ANXA4: variants seen among roughly 807,000 people sequenced by gnomAD.
ANXA4 encodes annexin A4.
Under a neutral mutation model 49.8 loss-of-function variants are expected in ANXA4, and 39 were observed. The ratio of observed to expected loss-of-function variants is 0.78; its 90% CI spans 0.61 to 1.02. The LOEUF (loss-of-function observed/expected upper bound fraction) is 1.02. Ranked by LOEUF, ANXA4 falls within the 50% of genes least tolerant of loss-of-function variation. The pLI is 0.00. For synonymous variants in ANXA4, 134 were observed against 152.5 expected, an observed-to-expected ratio of 0.88 and a Z score of 0.89; for missense variants, 360 against 410.1, an observed-to-expected ratio of 0.88 and a Z score of 1.05.
chr2:69,690,498 C>T (rs2105371478), intron 2 of ANXA4, among the ~76,000 whole-genome samples: 1 of 152,296 alleles, frequency 6.6e-6, no homozygotes, highest in African/African-American at 2.4e-5. Flanking sequence ...CTCAGCCTCC[C>T]AAAGTGCTGG....
Position 69,781,594 on chromosome 2 carries a change from A to G in ANXA4, c.9+20A>G. 6.2e-7 allele frequency: 1 copy of G among 1,613,972 alleles called. No homozygotes were observed. Among genetic ancestry groups the G allele is most frequent in the Non-Finnish European group, 8.5e-7 (1 of 1,179,946 alleles). ...GCCATGGTAAGTTGTGAAATACCTC[A>G]ACCCTATCTGGTGCCAGCTGCCAAC... On this transcript the variant is annotated intron_variant, in intron 2 of 12. Coordinates refer to ENST00000394295, the MANE Select transcript of ANXA4 (RefSeq NM_001153.5).
intron 1 of ANXA4, among the ~76,000 whole-genome samples, chr2:69,750,843 A>G (rs1670810492): frequency 1.3e-5 from 2 of 152,214 alleles, no homozygotes; most frequent in African/African-American, 4.8e-5. Context: ...CCTTTGTCAG[A>G]GAAATGTCTC....
At chr2:69,806,163 G>A (rs1673433807) in intron 4 of ANXA4, among the ~76,000 whole-genome samples, 1 of 152,184 alleles carries the variant, frequency 6.6e-6, no homozygotes, top group Non-Finnish European at 1.5e-5. Flanking sequence ...AGTTGTTGAT[G>A]CACAGACAAT....
intron 2 of ANXA4, among the ~76,000 whole-genome samples, chr2:69,696,819 G>T (rs1223922612): frequency 6.6e-6 from 1 of 152,138 alleles, no homozygotes; most frequent in East Asian, 1.9e-4. Flanking sequence ...ATATTAAAAA[G>T]GAATCTTTTT....
At chr2:69,824,881 G>A (rs1381511343) in intron 12 of ANXA4, among the ~76,000 whole-genome samples, 2 of 151,912 alleles carry the variant, frequency 1.3e-5, no homozygotes, top group South Asian at 4.1e-4. Context: ...GGCTAACATG[G>A]TGAAACCCCA....
chr2:69,689,178 A>G (rs2105369616), intron 2 of ANXA4, among the ~76,000 whole-genome samples: 1 of 152,092 alleles, frequency 6.6e-6, no homozygotes, highest in South Asian at 2.1e-4. Flanking sequence ...CGCAGCCTTG[A>G]ACTGGGTTCA....
intron 2 of ANXA4, among the ~76,000 whole-genome samples, chr2:69,660,024 A>C (rs75069940): frequency 0.016 from 2,411 of 152,296 alleles, 72 homozygotes; most frequent in African/African-American, 0.055. Context: ...ACACATAGCA[A>C]AAAATCTACT....
intron 2 of ANXA4, among the ~76,000 whole-genome samples, chr2:69,654,495 G>A (rs1676365200): frequency 6.6e-6 from 1 of 152,150 alleles, no homozygotes; most frequent in South Asian, 2.1e-4. Flanking sequence ...TTAGCATGAA[G>A]GGGTGTTGAA....
At chr2:69,780,587 G>A (rs1672154927) in intron 1 of ANXA4, among the ~76,000 whole-genome samples, 1 of 152,096 alleles carries the variant, frequency 6.6e-6, no homozygotes, top group Admixed American at 6.5e-5. Context: ...TAAACTCTGA[G>A]AAGAGGAGCC....
At chr2:69,710,815 G>T (rs1478586767) in intron 2 of ANXA4, among the ~76,000 whole-genome samples, 1 of 152,174 alleles carries the variant, frequency 6.6e-6, no homozygotes, top group African/African-American at 2.4e-5. Context: ...TGTTAGCAAT[G>T]ATATGGAGCA....
At chr2:69,812,615 C>T (rs1156678662) in intron 7 of ANXA4, 38 bp from the exon 8 acceptor site, 1 of 1,575,602 alleles carries the variant, frequency 6.3e-7, no homozygotes. Flanking sequence ...TTCATGTATA[C>T]TCTCGAATTA....
intron 2 of ANXA4, among the ~76,000 whole-genome samples, chr2:69,670,137 T>C (rs536537233): frequency 6.6e-6 from 1 of 152,016 alleles, no homozygotes; most frequent in Admixed American, 6.6e-5. Context: ...ACTATGAATA[T>C]GTGGCTAAAA....
intron 2 of ANXA4, among the ~76,000 whole-genome samples, chr2:69,782,169 C>G (rs936969088): frequency 6.6e-6 from 1 of 152,168 alleles, no homozygotes; most frequent in African/African-American, 2.4e-5. Flanking sequence ...GACATCTGCT[C>G]TCCTTCTCTT....
In ANXA4 at chr2:69,816,196, TAA is replaced by T. The variant is rs1558525068; in HGVS notation, c.628+3_628+4del. 6 of 1,613,372 alleles carry T rather than the reference TAA, an allele frequency of 3.7e-6. No homozygotes were observed. In the Admixed American group the frequency reaches 6.7e-5, roughly 18 times the overall value. ...GGAACCGAAATCACCTGTTGCATGG[TAA>T]GGCACTTACTTCATTTCCCAAAGAA... On this transcript the variant is annotated splice_donor_region_variant and intron_variant, in intron 9 of 12. Coordinates refer to ENST00000394295, the MANE Select transcript of ANXA4 (RefSeq NM_001153.5).
chr2:69,674,169 T>G (rs1015478596), intron 2 of ANXA4: 2 of 152,402 alleles, frequency 1.3e-5, no homozygotes, highest in Non-Finnish European at 2.9e-5. Context: ...TGGTGTTTGC[T>G]GGTGCCTGTC....
intron 2 of ANXA4, among the ~76,000 whole-genome samples, chr2:69,670,468 A>G (rs1340216529): frequency 1.3e-5 from 2 of 150,302 alleles, no homozygotes; most frequent in African/African-American, 4.9e-5. Flanking sequence ...AAGACAAATG[A>G]GACAAATGCT....
chr2:69,823,960 T>C (rs2103908826), intron 12 of ANXA4, among the ~76,000 whole-genome samples: 1 of 152,272 alleles, frequency 6.6e-6, no homozygotes, highest in South Asian at 2.1e-4. Flanking sequence ...ACACCTGTAA[T>C]CCCAGCATTC....
intron 1 of ANXA4, among the ~76,000 whole-genome samples, chr2:69,652,301 C>T (rs1676282810): frequency 6.6e-6 from 1 of 152,234 alleles, no homozygotes; most frequent in Non-Finnish European, 1.5e-5. Flanking sequence ...CTACCACGCC[C>T]AGCCTCTTCC....
At position 69,815,906 on chromosome 2, in the gene ANXA4, G is replaced by A. The variant is rs995079023; in HGVS notation, c.535-195G>A. ...CTAGTGTTTGCCCTGACTCCCAGGGGGGTATGACAGGGTCCCAACAGCCTT... is the reference window on the plus strand; with the variant it reads ...CTAGTGTTTGCCCTGACTCCCAGGGAGGTATGACAGGGTCCCAACAGCCTT... On this transcript the variant is annotated intron_variant, in intron 8 of 12. Transcript: ENST00000394295. 4 of 563,962 alleles carry A rather than the reference G, an allele frequency of 7.1e-6. No homozygotes were observed. In the East Asian group the frequency reaches 1.1e-4, roughly 16 times the overall value. 34.9% of individuals were successfully genotyped at this position (563,962 alleles called of 1,614,324 possible). A position where few individuals can be genotyped will look rare whatever the true frequency, so the allele number is the denominator to read the frequency against.
Sources: gnomAD v4.1 joint callset for allele counts (sites outside exome capture counted in the v4.1 genomes callset) on GRCh38, gnomAD v4.1.1 for gene constraint, MANE v1.5 for transcripts, NCBI Gene and HGNC (gene_info 2026-07-23, HGNC 2026-07-21) for gene names.